Variants in ANK2 observed in about 807,000 individuals in gnomAD.
ANK2 encodes ankyrin 2, also known as ankyrin-2.
A neutral mutation model predicts 360.5 loss-of-function variants in ANK2; 83 were observed. That is an observed-to-expected ratio of 0.23 (90% CI 0.19 to 0.28). The LOEUF (loss-of-function observed/expected upper bound fraction) is 0.28, where lower values mean the gene tolerates loss of function less well. Among genes scored for constraint, ANK2 ranks in the 10% least tolerant of loss-of-function variants. The probability of loss-of-function intolerance (pLI) is 1.00; values close to 1 mark genes in which losing one functional copy is unlikely to be tolerated. For missense variants in ANK2, 4,201 were observed against 4,795.7 expected (o/e 0.88, Z 3.66); for synonymous variants, 1,740 against 1,759.5 (o/e 0.99, Z 0.28).
chr4:112,790,598 C>T, the ANK2 span, among the ~76,000 whole-genome samples: 1 of 150,596 alleles, frequency 6.6e-6, no homozygotes, highest in Non-Finnish European at 1.5e-5. Context: ...AGCAATTTCT[C>T]CGGCCTCAGC....
chr4:113,000,250 C>CA (rs1261271606), intron 2 of ANK2, among the ~76,000 whole-genome samples: 1 of 152,176 alleles, frequency 6.6e-6, no homozygotes, highest in Non-Finnish European at 1.5e-5. Context: ...ATCTTGGTGC[C>CA]AGCTGTCTGT....
intron 2 of ANK2, among the ~76,000 whole-genome samples, chr4:113,039,641 A>G (rs1489375245): frequency 6.6e-6 from 1 of 151,990 alleles, no homozygotes; most frequent in East Asian, 1.9e-4. Context: ...CCACTAGAAT[A>G]TATTAACACT....
chr4:113,196,774 C>T lies in ANK2; in HGVS notation c.285+308C>T, dbSNP rs147580743. ...TCTAGCGATCCTCCTGCCTCAGCCTCCCAAAGTGCTGGGATTATAGGCGTG... is the reference window on the plus strand; with the variant it reads ...TCTAGCGATCCTCCTGCCTCAGCCTTCCAAAGTGCTGGGATTATAGGCGTG... On this transcript the variant is annotated intron_variant, in intron 3 of 45. Transcript: ENST00000357077. Among the ~76,000 whole-genome samples, 72 of 152,302 alleles carry T rather than the reference C, an allele frequency of 4.7e-4. 1 individual carries two copies. Among genetic ancestry groups the T allele is most frequent in the African/African-American group, 1.7e-3 (71 of 41,568 alleles).
At chr4:112,904,229 A>G (rs1337169210) in intron 1 of ANK2, among the ~76,000 whole-genome samples, 1 of 152,136 alleles carries the variant, frequency 6.6e-6, no homozygotes, top group Non-Finnish European at 1.5e-5. Context: ...TTAATAGGCT[A>G]TTTTTCATCT....
chr4:113,115,753 GATA>G (rs2094700406), intron 1 of ANK2, among the ~76,000 whole-genome samples: 1 of 152,180 alleles, frequency 6.6e-6, no homozygotes, highest in Non-Finnish European at 1.5e-5. Flanking sequence ...TATGGAAGCA[GATA>G]TGTCATAAGG....
chr4:113,047,887 A>G (rs2065086338), upstream of ANK2, among the ~76,000 whole-genome samples: 2 of 152,036 alleles, frequency 1.3e-5, no homozygotes, highest in Non-Finnish European at 2.9e-5. Context: ...GAGCAATCCT[A>G]ACAGCAATGG....
chr4:112,811,231 C>T, the ANK2 span, among the ~76,000 whole-genome samples: 8 of 152,118 alleles, frequency 5.3e-5, no homozygotes, highest in East Asian at 5.8e-4. Context: ...GCCACCGCGC[C>T]CGGCCACGAG....
chr4:112,971,765 T>A (rs1187244184), intron 2 of ANK2, among the ~76,000 whole-genome samples: 1 of 152,142 alleles, frequency 6.6e-6, no homozygotes, highest in Non-Finnish European at 1.5e-5. Context: ...ACACACGCCA[T>A]GGTCCTCAAA....
chr4:112,837,146 C>T (rs907536894), intron 1 of ANK2, among the ~76,000 whole-genome samples: 19 of 152,200 alleles, frequency 1.2e-4, no homozygotes, highest in African/African-American at 4.3e-4. Context: ...AGCCTTGGGA[C>T]AGGGCACCCT....
In ANK2 at chr4:113,355,472, T is replaced by C. The variant is rs150684838; in HGVS notation, c.6854T>C (p.Ile2285Thr). 305 of 1,613,800 alleles carry C rather than the reference T, an allele frequency of 1.9e-4. No homozygotes were observed. The highest frequency in any genetic ancestry group is 2.4e-4 in the Non-Finnish European group (285 of 1,179,976). ...SEKEHPTTKD[I>T]TGGSEERGAT... ...AAAGAGCATCCCACGACCAAAGACATTACTGGTGGCTCTGAAGAGCGAGGT... is the reference window on the plus strand; with the variant it reads ...AAAGAGCATCCCACGACCAAAGACACTACTGGTGGCTCTGAAGAGCGAGGT... Residue 2285 changes from isoleucine (I) to threonine (T), a missense_variant, in exon 38 of 46, where the codon ATT becomes ACT. Ile to Thr is a moderately conservative substitution (Grantham distance 89, BLOSUM62 -1). Around this residue, in one of 4 missense-constraint regions of ANK2, gnomAD observed 2,642 missense variants for 2,714.5 expected, o/e 0.97. Coordinates refer to ENST00000357077, the MANE Select transcript of ANK2 (RefSeq NM_001148.6).
At chr4:113,325,421 A>G (rs2089266466) in intron 26 of ANK2, among the ~76,000 whole-genome samples, 1 of 152,168 alleles carries the variant, frequency 6.6e-6, no homozygotes, top group Admixed American at 6.6e-5. Context: ...ATTTAGTATA[A>G]GTCTCCCATT....
the ANK2 span, among the ~76,000 whole-genome samples, chr4:112,750,908 A>T: frequency 6.6e-6 from 1 of 151,910 alleles, no homozygotes; most frequent in Non-Finnish European, 1.5e-5. Context: ...TTGTATTTTT[A>T]GTAAAGATGG....
At chr4:112,826,373 A>G (rs1243121319) in intron 1 of ANK2, 5 of 996,114 alleles carry the variant, frequency 5.0e-6, no homozygotes, top group Non-Finnish European at 7.6e-6. Context: ...TCTCACTGCA[A>G]CCTGAAAAGC....
chr4:112,955,541 G>GT (rs570921583), intron 2 of ANK2, among the ~76,000 whole-genome samples: 1,657 of 145,076 alleles, frequency 0.011, 27 homozygotes, highest in African/African-American at 0.037. Flanking sequence ...AAAAAAGGTT[G>GT]TTTTTTTTTT....
chr4:113,312,530 A>G (rs971034425), intron 24 of ANK2, among the ~76,000 whole-genome samples: 1 of 151,770 alleles, frequency 6.6e-6, no homozygotes, highest in African/African-American at 2.4e-5. Flanking sequence ...TTAGCAAGAT[A>G]GGCTTGTTAA....
At chr4:113,063,382 G>A (rs1043123497) in intron 1 of ANK2, among the ~76,000 whole-genome samples, 7 of 152,098 alleles carry the variant, frequency 4.6e-5, no homozygotes, top group Middle Eastern at 3.4e-3. Context: ...GAAAACATAT[G>A]GTACTTGAAT....
At position 112,861,869 on chromosome 4, in the gene ANK2, A is replaced by AGAGAGAG. The variant is rs773734914; in HGVS notation, c.-39-42586_-39-42585insGAGAGAG. ...AGAGAGAGAGAGAGAGAGAGAGAGA[A>AGAGAGAG]ACTCTCACAGTTTATGCGAGAGTCA... On this transcript the variant is annotated intron_variant, in intron 1 of 30. Transcript: ENST00000503271. 1.4e-3 allele frequency among the ~76,000 whole-genome samples: 99 copies of AGAGAGAG among 69,234 alleles called. 1 individual carries two copies. The highest frequency in any genetic ancestry group is 1.4e-3 in the South Asian group (3 of 2,196). The allele number at this position is 69,234 out of a possible 152,430, so 45.4% of individuals were successfully genotyped here.
intron 1 of ANK2, among the ~76,000 whole-genome samples, chr4:112,854,449 A>G (rs192928934): frequency 4.1e-4 from 63 of 152,328 alleles, no homozygotes; most frequent in Non-Finnish European, 6.5e-4. Flanking sequence ...TGGTGATATG[A>G]TAGCCTTGTT....
At chr4:113,278,392 C>T in intron 16 of ANK2, 68 bp from the exon 17 acceptor site, 1 of 1,314,324 alleles carries the variant, frequency 7.6e-7, no homozygotes, top group Non-Finnish European at 1.1e-6. Context: ...AGTTTCCAGG[C>T]ATCCTGGTAG....
Sources: gnomAD v4.1 joint callset for allele counts (sites outside exome capture counted in the v4.1 genomes callset) on GRCh38, gnomAD v4.1.1 for gene constraint, gnomAD v4.1.1 regional missense constraint, MANE v1.5 for transcripts, NCBI Gene and HGNC (gene_info 2026-07-23, HGNC 2026-07-21) for gene names.